The following PRRX1 variants were observed in gnomAD, a reference collection of about 807,000 sequenced individuals.
PRRX1 encodes the protein paired mesoderm homeobox protein 1.
PRRX1 carries 8 observed loss-of-function variants against 24.0 expected under a neutral mutation model. That is an observed-to-expected ratio of 0.33 (90% CI 0.20 to 0.60). PRRX1 has a LOEUF of 0.60. PRRX1 is among the 20% of genes least tolerant of loss of function. The pLI is 0.82. For synonymous variants in PRRX1, 160 were observed against 131.7 expected (o/e 1.22, Z -1.47); for missense variants, 281 against 322.4 (o/e 0.87, Z 0.98).
rs756289013 is a variant in PRRX1 at position 170,664,209 on chromosome 1, G to T, written c.-10G>T. 1 of 1,607,980 alleles carries T rather than the reference G, an allele frequency of 6.2e-7. No homozygotes were observed. On this transcript the variant is annotated 5_prime_UTR_variant, in exon 1 of 4. Coordinates refer to ENST00000239461, the MANE Select transcript of PRRX1 (RefSeq NM_022716.4). ...GAAGAGGGGGGTGGGTGGGATCGGT[G>T]GGGGAGACCATGACCTCCAGCTACG... is the stretch of plus-strand genomic sequence containing the variant.
At position 170,738,322 on chromosome 1, in the gene PRRX1, C is replaced by A. The variant is rs527956800; in HGVS notation, c.*2136C>A. 7 of 225,232 alleles carry A rather than the reference C, an allele frequency of 3.1e-5. No individual in the cohort carries two copies. The South Asian group carries it at 1.1e-3, about 35-fold the overall frequency. 14.0% of individuals were successfully genotyped at this position (225,232 alleles called of 1,614,324 possible). A position where few individuals can be genotyped will look rare whatever the true frequency, so the allele number is the denominator to read the frequency against. The stretch of plus-strand genomic sequence containing the variant: ...TTATTTCAATCTAACAGCCACCAAT[C>A]TGAAATTGTATTTCAAATGTTGATT... On this transcript the variant is annotated 3_prime_UTR_variant, in exon 4 of 4. Transcript: ENST00000239461.
At chr1:170,669,774 G>A (rs1653083790) in intron 1 of PRRX1, among the ~76,000 whole-genome samples, 1 of 152,050 alleles carries the variant, frequency 6.6e-6, no homozygotes, top group African/African-American at 2.4e-5. Flanking sequence ...TGCGACCCCC[G>A]GCGCGCCTCC....
At chr1:170,725,512 T>A (rs969905866) in intron 2 of PRRX1, among the ~76,000 whole-genome samples, 1 of 152,194 alleles carries the variant, frequency 6.6e-6, no homozygotes, top group African/African-American at 2.4e-5. Flanking sequence ...AGACAATGAC[T>A]GACAGGATCC....
At position 170,723,272 on chromosome 1, in the gene PRRX1, G is replaced by T. The variant is rs186244693; in HGVS notation, c.418-2948G>T. ...CACAGCTCTACAGGGCACTGATCACGTGGTAATTTATGTGTATGTTGGCCC... is the reference window on the plus strand; with the variant it reads ...CACAGCTCTACAGGGCACTGATCACTTGGTAATTTATGTGTATGTTGGCCC... On this transcript the variant is annotated intron_variant, in intron 2 of 3. Coordinates refer to ENST00000239461, the MANE Select transcript of PRRX1 (RefSeq NM_022716.4). 9.2e-5 allele frequency among the ~76,000 whole-genome samples: 14 copies of T among 152,304 alleles called. No individual in the cohort carries two copies. The East Asian group carries it at 2.7e-3, about 29-fold the overall frequency.
intron 1 of PRRX1, among the ~76,000 whole-genome samples, chr1:170,717,171 C>T (rs1372695184): frequency 2.0e-5 from 3 of 152,202 alleles, no homozygotes; most frequent in Admixed American, 6.5e-5. Flanking sequence ...ACAACAAGAA[C>T]ATTCACTGGG....
chr1:170,703,025 C>T (rs1654441875), intron 1 of PRRX1, among the ~76,000 whole-genome samples: 2 of 152,186 alleles, frequency 1.3e-5, no homozygotes, highest in Non-Finnish European at 2.9e-5. Flanking sequence ...ATCAAATGCT[C>T]AGAGGCATTT....
chr1:170,711,551 T>G (rs2101911552), intron 1 of PRRX1, among the ~76,000 whole-genome samples: 1 of 152,304 alleles, frequency 6.6e-6, no homozygotes, highest in Admixed American at 6.5e-5. Context: ...AACCTGTGCT[T>G]ACCAGATTTT....
chr1:170,684,038 C>T (rs772975547), intron 1 of PRRX1, among the ~76,000 whole-genome samples: 5 of 152,310 alleles, frequency 3.3e-5, no homozygotes, highest in Admixed American at 6.5e-5. Flanking sequence ...AAGTGAATGG[C>T]ATGACCTCTT....
chr1:170,715,235 T>C (rs1654869436), intron 1 of PRRX1, among the ~76,000 whole-genome samples: 1 of 152,148 alleles, frequency 6.6e-6, no homozygotes, highest in Non-Finnish European at 1.5e-5. Flanking sequence ...TAAAAAGAAT[T>C]CAGAAATTAC....
intron 2 of PRRX1, among the ~76,000 whole-genome samples, chr1:170,722,829 C>T (rs572029913): frequency 1.1e-4 from 17 of 152,232 alleles, no homozygotes; most frequent in Admixed American, 6.5e-4. Flanking sequence ...CTTTGATACC[C>T]GGACAAAGCG....
At chr1:170,714,236 G>C (rs931125912) in intron 1 of PRRX1, among the ~76,000 whole-genome samples, 2 of 152,176 alleles carry the variant, frequency 1.3e-5, no homozygotes, top group Non-Finnish European at 2.9e-5. Context: ...ACGGTTTTTA[G>C]TGGCTTTTGC....
chr1:170,714,197 C>CT (rs1654835116), intron 1 of PRRX1, among the ~76,000 whole-genome samples: 1 of 152,210 alleles, frequency 6.6e-6, no homozygotes, highest in African/African-American at 2.4e-5. Context: ...TATTTCACTG[C>CT]TTTTCATGGG....
chr1:170,705,935 T>TACACACAAACACACACACACAC (rs1553253691), intron 1 of PRRX1, among the ~76,000 whole-genome samples: 1 of 146,426 alleles, frequency 6.8e-6, no homozygotes, highest in African/African-American at 2.5e-5. Context: ...CACACACACA[T>TACACACAAACACACACACACAC]ACACACACAC....
chr1:170,732,372 G>A (rs1204368742), intron 3 of PRRX1, among the ~76,000 whole-genome samples: 1 of 152,198 alleles, frequency 6.6e-6, no homozygotes, highest in African/African-American at 2.4e-5. Flanking sequence ...TCTTGCATCT[G>A]TTGACACTTT....
intron 2 of PRRX1, among the ~76,000 whole-genome samples, chr1:170,720,835 C>T (rs956045352): frequency 6.6e-6 from 1 of 152,194 alleles, no homozygotes. Flanking sequence ...GACACACCAA[C>T]TGCAAGCCAG....
intron 1 of PRRX1, among the ~76,000 whole-genome samples, chr1:170,717,059 A>C (rs2101915408): frequency 6.6e-6 from 1 of 152,020 alleles, no homozygotes; most frequent in Admixed American, 6.5e-5. Flanking sequence ...TTATACTTGC[A>C]CTCTGAAGGA....
Position 170,730,586 on chromosome 1 carries a change from C to T in PRRX1, c.599+4185C>T, listed in dbSNP as rs572781397. On this transcript the variant is annotated intron_variant, in intron 3 of 3. Transcript: ENST00000239461. ...GCTGTGCACAGGAAACATCTGGGAT[C>T]GCGTGACTGTGCAAACTCTGATTCA... 1.4e-4 allele frequency: 67 copies of T among 476,282 alleles called. 1 individual carries two copies. In the South Asian group the frequency reaches 1.5e-3, roughly 10 times the overall value. The allele number at this position is 476,282 out of a possible 1,614,324, so 29.5% of individuals were successfully genotyped here.
intron 1 of PRRX1, among the ~76,000 whole-genome samples, chr1:170,713,631 C>A (rs1237170175): frequency 6.6e-6 from 1 of 152,174 alleles, no homozygotes; most frequent in Non-Finnish European, 1.5e-5. Flanking sequence ...ACCACTGTTG[C>A]TTTACACAGA....
intron 1 of PRRX1, among the ~76,000 whole-genome samples, chr1:170,702,903 T>G (rs531786630): frequency 6.6e-6 from 1 of 152,346 alleles, no homozygotes; most frequent in African/African-American, 2.4e-5. Flanking sequence ...TCTCATTGGC[T>G]TCGTGCATAA....
Sources: allele counts gnomAD v4.1 joint callset (sites outside exome capture counted in the v4.1 genomes callset), GRCh38; gene constraint gnomAD v4.1.1; transcripts MANE v1.5; gene names NCBI Gene and HGNC (gene_info 2026-07-23, HGNC 2026-07-21).